The following PLEKHB2 variants were observed in gnomAD, a reference collection of about 807,000 sequenced individuals.
The protein encoded by PLEKHB2 is pleckstrin homology domain containing B2.
In PLEKHB2, 31 loss-of-function variants were observed where a neutral mutation model predicts 36.5. The ratio of observed to expected loss-of-function variants is 0.85; its 90% CI spans 0.64 to 1.15. The LOEUF (loss-of-function observed/expected upper bound fraction) is 1.15. Among genes scored for constraint, PLEKHB2 ranks in the 50% most tolerant of loss-of-function variants. The probability of loss-of-function intolerance (pLI) is 0.00; values close to 1 mark genes in which losing one functional copy is unlikely to be tolerated. For synonymous variants in PLEKHB2, 119 were observed against 112.0 expected (o/e 1.06, Z -0.39); for missense variants, 262 against 295.3 (o/e 0.89, Z 0.83).
chr2:131,125,666 G>A, intron 2 of PLEKHB2, 87 bp from the exon 3 acceptor site: 1 of 1,077,782 alleles, frequency 9.3e-7, no homozygotes. Flanking sequence ...GATCATGTTT[G>A]TGAATAGCCA....
rs1272760676 is a variant in PLEKHB2 at position 131,140,366 on chromosome 2, G to T, written c.532+91G>T. 6.1e-6 allele frequency: 4 copies of T among 658,416 alleles called. No individual in the cohort carries two copies. The East Asian group carries it at 1.1e-4, about 18-fold the overall frequency. The allele number at this position is 658,416 out of a possible 1,614,324, so 40.8% of individuals were successfully genotyped here. A position where few individuals can be genotyped will look rare whatever the true frequency, so the allele number is the denominator to read the frequency against. ...AAACGTTTTTATTTTTCAGTTTAAG[G>T]TTACATGAGCTATATTTTCTGGTTG... On this transcript the variant is annotated intron_variant, in intron 7 of 7. Transcript: ENST00000693505.
intron 1 of PLEKHB2, among the ~76,000 whole-genome samples, chr2:131,110,146 A>C (rs1015579725): frequency 1.3e-5 from 2 of 152,060 alleles, no homozygotes; most frequent in Non-Finnish European, 2.9e-5. Context: ...ATCTTTGTGG[A>C]TATGGTAAAA....
At chr2:131,146,010 G>A (rs1347241139) in intron 7 of PLEKHB2, among the ~76,000 whole-genome samples, 3 of 151,536 alleles carry the variant, frequency 2.0e-5, no homozygotes, top group African/African-American at 4.8e-5. Flanking sequence ...GTGAAACCCC[G>A]TCTCTACTAA....
chr2:131,141,367 C>T (rs542344336), intron 7 of PLEKHB2, among the ~76,000 whole-genome samples: 25 of 152,106 alleles, frequency 1.6e-4, no homozygotes, highest in African/African-American at 5.5e-4. Context: ...AGTCCGGGCA[C>T]GGTGGCTCAC....
chr2:131,114,427 C>G (rs969134381), intron 1 of PLEKHB2, among the ~76,000 whole-genome samples: 14 of 152,186 alleles, frequency 9.2e-5, no homozygotes, highest in African/African-American at 3.4e-4. Flanking sequence ...CATCCCTGCC[C>G]TGGAGACATT....
chr2:131,137,000 G>GC (rs1307443278), intron 6 of PLEKHB2, among the ~76,000 whole-genome samples: 3 of 147,014 alleles, frequency 2.0e-5, no homozygotes, highest in Non-Finnish European at 4.4e-5. Flanking sequence ...AGGCTGGAGT[G>GC]CAGTGGCGTG....
chr2:131,129,324 C>CAAAAAAAAAA, intron 4 of PLEKHB2, among the ~76,000 whole-genome samples: 1 of 49,982 alleles, frequency 2.0e-5, no homozygotes, highest in Non-Finnish European at 3.6e-5. Context: ...GACTCCATCT[C>CAAAAAAAAAA]AAAAAAAAAA....
At chr2:131,122,343 A>G (rs1696608082) in intron 2 of PLEKHB2, among the ~76,000 whole-genome samples, 1 of 152,258 alleles carries the variant, frequency 6.6e-6, no homozygotes, top group South Asian at 2.1e-4. Flanking sequence ...ATTCTAGTCA[A>G]AAACTGAGCT....
chr2:131,139,644 C>T (rs1470936976), intron 6 of PLEKHB2, among the ~76,000 whole-genome samples: 3 of 152,200 alleles, frequency 2.0e-5, no homozygotes, highest in Non-Finnish European at 4.4e-5. Flanking sequence ...CATGTCTTTT[C>T]ATAGGTGTGT....
chr2:131,149,707 C>T lies in PLEKHB2; in HGVS notation c.*2934C>T, dbSNP rs1343204541. On this transcript the variant is annotated 3_prime_UTR_variant, in exon 8 of 8. Transcript: ENST00000693505. ...ATGGAATGCAGTTCCACTTTCTCCCCAGAGTTGATCTTTTTGTGATTGCTT... is the reference window on the plus strand; with the variant it reads ...ATGGAATGCAGTTCCACTTTCTCCCTAGAGTTGATCTTTTTGTGATTGCTT... 6.6e-6 allele frequency: 1 copy of T among 152,210 alleles called. No homozygotes were observed. Among genetic ancestry groups the T allele is most frequent in the Non-Finnish European group, 1.5e-5 (1 of 68,038 alleles). The allele number at this position is 152,210 out of a possible 1,614,324, so 9.4% of individuals were successfully genotyped here. A position where few individuals can be genotyped will look rare whatever the true frequency, so the allele number is the denominator to read the frequency against.
At position 131,146,781 on chromosome 2, in the gene PLEKHB2, A is replaced by G; in HGVS notation, c.*8A>G. ...CTATTTTGGGTCTTCTAGGGGCCTC[A>G]AGGTCTTGATGTGCATAGCTTCTGA... On this transcript the variant is annotated 3_prime_UTR_variant, in exon 8 of 8. Transcript: ENST00000693505. 1 of 1,595,632 alleles carries G rather than the reference A, an allele frequency of 6.3e-7. No individual in the cohort carries two copies. Among genetic ancestry groups the G allele is most frequent in the Non-Finnish European group, 8.5e-7 (1 of 1,170,764 alleles).
chr2:131,142,782 A>G (rs1335541079), intron 7 of PLEKHB2, among the ~76,000 whole-genome samples: 1 of 151,854 alleles, frequency 6.6e-6, no homozygotes, highest in South Asian at 2.1e-4. Context: ...TCTCAAACTC[A>G]TGACCTCAGG....
At chr2:131,119,585 A>G (rs755467609) in intron 1 of PLEKHB2, among the ~76,000 whole-genome samples, 5 of 152,232 alleles carry the variant, frequency 3.3e-5, no homozygotes, top group Non-Finnish European at 7.3e-5. Context: ...CACATATCTC[A>G]GTGAGGCAAA....
Position 131,105,581 on chromosome 2 carries a change from C to G in PLEKHB2, c.-9+183C>G, listed in dbSNP as rs71428544. Among the ~76,000 whole-genome samples the G allele has an allele frequency of 8.1e-3, 1,228 of 152,200 alleles. 16 individuals carry two copies. Among genetic ancestry groups the G allele is most frequent in the Middle Eastern group, 0.044 (13 of 294 alleles). ...GGCTCCTGGCCACGGGTCCGCCCAC[C>G]TCCCTGGACCACCCTGACCTTCCCC... On this transcript the variant is annotated intron_variant, in intron 1 of 7. Coordinates refer to ENST00000693505, the MANE Select transcript of PLEKHB2 (RefSeq NM_001100623.2).
chr2:131,146,977 C>G lies in PLEKHB2; in HGVS notation c.*204C>G. The G allele has an allele frequency of 2.3e-6, 1 of 429,696 alleles. No homozygotes were observed. Among genetic ancestry groups the G allele is most frequent in the Non-Finnish European group, 4.1e-6 (1 of 245,498 alleles). 26.6% of individuals were successfully genotyped at this position (429,696 alleles called of 1,614,324 possible). Reference sequence around the variant, plus strand: ...GCTATTTTGTTCAAATGTTGACTCTCCGGGGGCACTGGCTCATTCCAAGAC... The same window carrying G: ...GCTATTTTGTTCAAATGTTGACTCTGCGGGGGCACTGGCTCATTCCAAGAC... On this transcript the variant is annotated 3_prime_UTR_variant, in exon 8 of 8. Coordinates refer to ENST00000693505, the MANE Select transcript of PLEKHB2 (RefSeq NM_001100623.2).
intron 6 of PLEKHB2, among the ~76,000 whole-genome samples, chr2:131,135,201 A>G (rs1467320591): frequency 6.6e-6 from 1 of 151,724 alleles, no homozygotes; most frequent in Non-Finnish European, 1.5e-5. Flanking sequence ...CCTCCTGAGT[A>G]GCCGGGATTA....
chr2:131,135,904 G>T (rs761124717), intron 6 of PLEKHB2, among the ~76,000 whole-genome samples: 2 of 152,000 alleles, frequency 1.3e-5, no homozygotes, highest in African/African-American at 2.4e-5. Flanking sequence ...CACCGCGCCC[G>T]GCCAGTGTAT....
intron 6 of PLEKHB2, among the ~76,000 whole-genome samples, chr2:131,136,713 A>G (rs763571678): frequency 6.6e-6 from 1 of 151,590 alleles, no homozygotes; most frequent in Non-Finnish European, 1.5e-5. Context: ...ATATTGGTCT[A>G]TAGTTTTCTT....
chr2:131,121,946 C>T (rs1355881979), intron 2 of PLEKHB2, among the ~76,000 whole-genome samples: 2 of 151,830 alleles, frequency 1.3e-5, no homozygotes, highest in Non-Finnish European at 2.9e-5. Flanking sequence ...GAATTTTGCT[C>T]TTGTTGCCCA....
Sources: allele counts gnomAD v4.1 joint callset (sites outside exome capture counted in the v4.1 genomes callset), GRCh38; gene constraint gnomAD v4.1.1; transcripts MANE v1.5; gene names NCBI Gene and HGNC (gene_info 2026-07-23, HGNC 2026-07-21).